The following LRCH2 variants were observed in gnomAD, a reference collection of about 807,000 sequenced individuals.
The protein encoded by LRCH2 is leucine rich repeats and calponin homology domain containing 2, also known as leucine-rich repeat and calponin homology domain-containing protein 2.
Under a neutral mutation model 68.9 loss-of-function variants are expected in LRCH2, and 38 were observed. The observed-to-expected ratio is 0.55, with a 90% CI of 0.43 to 0.72. The LOEUF (loss-of-function observed/expected upper bound fraction) is 0.72. Ranked by LOEUF, LRCH2 falls within the 30% of genes least tolerant of loss-of-function variation. The pLI, the probability that LRCH2 is intolerant of heterozygous loss-of-function variation, is 0.00. For missense variants in LRCH2, 528 were observed against 572.9 expected (o/e 0.92, Z 0.80); for synonymous variants, 191 against 208.1 (o/e 0.92, Z 0.71).
At position 115,192,610 on chromosome X, in the gene LRCH2, C is replaced by A. The variant is rs781960022; in HGVS notation, c.350-4240G>T. 7.7e-6 allele frequency: 9 copies of A among 1,170,001 alleles called. No homozygotes were observed. The African/African-American group carries it at 1.6e-4, about 21-fold the overall frequency. ...CAGGGGCGGAGGCCGTCAAGGAGGC[C>A]GCTTCGAGAGGGGGGAAGGCCGGAG... On this transcript the variant is annotated intron_variant, in intron 1 of 20. Coordinates refer to ENST00000317135, the MANE Select transcript of LRCH2 (RefSeq NM_020871.4).
intron 14 of LRCH2, among the ~76,000 whole-genome samples, chrX:115,135,293 A>G (rs188576242): frequency 2.8e-5 from 3 of 107,271 alleles, no homozygotes; most frequent in Admixed American, 1.0e-4. Flanking sequence ...GTGACCAGCT[A>G]ATTTTTTTGT....
chrX:115,159,860 T>G (rs782597122), intron 11 of LRCH2, among the ~76,000 whole-genome samples: 10 of 111,391 alleles, frequency 9.0e-5, no homozygotes, highest in Admixed American at 2.9e-4. Flanking sequence ...GCTTCAGACT[T>G]TAAAACCTTA....
At chrX:115,123,307 T>C in intron 17 of LRCH2, 115 bp from the exon 18 acceptor site, 1 of 485,143 alleles carries the variant, frequency 2.1e-6, no homozygotes, top group Non-Finnish European at 3.4e-6. Flanking sequence ...TATTACTCAC[T>C]AATACATTCC....
chrX:115,168,637 C>T (rs945255540), intron 6 of LRCH2, among the ~76,000 whole-genome samples: 1 of 110,604 alleles, frequency 9.0e-6, no homozygotes, highest in African/African-American at 3.3e-5. Context: ...TAGAGAATAT[C>T]TCCAAAATAT....
At chrX:115,149,731 C>G (rs782651876) in intron 14 of LRCH2, 96 bp downstream of exon 14, 3 of 478,094 alleles carry the variant, frequency 6.3e-6, no homozygotes, top group Non-Finnish European at 1.0e-5. Context: ...CTACATTTAA[C>G]TAGAGAGTTA....
intron 20 of LRCH2, among the ~76,000 whole-genome samples, chrX:115,120,993 G>A (rs1264861053): frequency 2.0e-5 from 2 of 101,551 alleles, no homozygotes; most frequent in Non-Finnish European, 4.0e-5. Flanking sequence ...GACACAGGAA[G>A]GGGAACATCC....
rs1556537750 is a variant in LRCH2, at chrX:115,149,854, G to C, written c.1668C>G (p.Ser556Arg). The change falls in exon 14 of 21, where the codon AGC becomes AGG. Residue 556 changes from serine (S) to arginine (R), a missense_variant. Coordinates refer to ENST00000317135, the MANE Select transcript of LRCH2 (RefSeq NM_020871.4). Reference protein sequence around the residue: ...IIWQSEERRRSKQIRKEYFKY... With the variant: ...IIWQSEERRRRKQIRKEYFKY... ...TGAAATATTCTTTTCTAATCTGTTT[G>C]CTCCGCCTCCTTTCTTCACTCTGCC... The C allele has an allele frequency of 2.5e-6, 3 of 1,194,968 alleles. No individual in the cohort carries two copies. In the Admixed American group the frequency reaches 6.6e-5, roughly 26 times the overall value.
At chrX:115,228,301 TA>T (rs2073132248) in intron 1 of LRCH2, among the ~76,000 whole-genome samples, 1 of 111,671 alleles carries the variant, frequency 9.0e-6, no homozygotes, top group African/African-American at 3.3e-5. Flanking sequence ...GATAACTGAT[TA>T]TAAGAGTATT....
At chrX:115,167,780 C>T (rs1556545926) in intron 6 of LRCH2, among the ~76,000 whole-genome samples, 1 of 111,594 alleles carries the variant, frequency 9.0e-6, no homozygotes, top group East Asian at 2.8e-4. Context: ...GTATGGTTAA[C>T]ATTTTAGGTA....
At chrX:115,219,685 A>C (rs2073065570) in intron 1 of LRCH2, among the ~76,000 whole-genome samples, 1 of 111,963 alleles carries the variant, frequency 8.9e-6, no homozygotes, top group Admixed American at 9.4e-5. Flanking sequence ...CAGCTATGTC[A>C]TTTTATAGTC....
chrX:115,117,504 G>C (rs2072093062), intron 20 of LRCH2, among the ~76,000 whole-genome samples: 1 of 111,472 alleles, frequency 9.0e-6, no homozygotes, highest in African/African-American at 3.3e-5. Context: ...GTTCATAGCA[G>C]CTTTATTTGT....
intron 15 of LRCH2, among the ~76,000 whole-genome samples, chrX:115,129,600 C>G (rs1464532955): frequency 9.0e-6 from 1 of 110,697 alleles, no homozygotes; most frequent in Non-Finnish European, 1.9e-5. Flanking sequence ...TTCAGAAGCC[C>G]TGCCAAGTAC....
At chrX:115,161,547 C>T (rs1556541707) in intron 11 of LRCH2, among the ~76,000 whole-genome samples, 1 of 111,484 alleles carries the variant, frequency 9.0e-6, no homozygotes, top group African/African-American at 3.3e-5. Flanking sequence ...TTGCATACAT[C>T]TTGAAGAACA....
intron 2 of LRCH2, among the ~76,000 whole-genome samples, chrX:115,188,016 G>A (rs1459353216): frequency 8.9e-6 from 1 of 112,088 alleles, no homozygotes; most frequent in African/African-American, 3.3e-5. Flanking sequence ...ACAGATCCCC[G>A]GGTAATTCCT....
At chrX:115,176,209 G>A (rs1381203052) in intron 5 of LRCH2, among the ~76,000 whole-genome samples, 1 of 111,947 alleles carries the variant, frequency 8.9e-6, no homozygotes, top group African/African-American at 3.2e-5. Context: ...AATATTATAT[G>A]GTAGCTCTAC....
Position 115,165,963 on chromosome X carries a change from T to A in LRCH2, c.1087-11A>T. ...GTCATCATCTGATGGCTAAAAGGAA[T>A]AAGCAAAAAGTACAAATGAGGCATT... On this transcript the variant is annotated splice_polypyrimidine_tract_variant and intron_variant, in intron 7 of 20. Coordinates refer to ENST00000317135, the MANE Select transcript of LRCH2 (RefSeq NM_020871.4). 2.7e-6 allele frequency: 3 copies of A among 1,101,806 alleles called. No homozygotes were observed. Among genetic ancestry groups the A allele is most frequent in the Non-Finnish European group, 3.7e-6 (3 of 816,536 alleles). 90.8% of individuals were successfully genotyped at this position (1,101,806 alleles called of 1,213,427 possible).
intron 20 of LRCH2, among the ~76,000 whole-genome samples, chrX:115,118,642 G>C (rs1438585343): frequency 3.6e-5 from 4 of 111,203 alleles, no homozygotes; most frequent in Non-Finnish European, 7.5e-5. Context: ...AATAGAAAAA[G>C]AGGGAATCCT....
At chrX:115,193,431 TCAA>T (rs1386419584) in intron 1 of LRCH2, among the ~76,000 whole-genome samples, 1 of 111,244 alleles carries the variant, frequency 9.0e-6, no homozygotes, top group Admixed American at 9.6e-5. Context: ...CATCTCAATG[TCAA>T]CAACATCCTC....
At position 115,135,920 on chromosome X, in the gene LRCH2, C is replaced by T. The variant is rs183739701; in HGVS notation, c.1696-5721G>A. 5.4e-5 allele frequency among the ~76,000 whole-genome samples: 6 copies of T among 111,799 alleles called. No individual in the cohort carries two copies. In the East Asian group the frequency reaches 1.7e-3, roughly 31 times the overall value. On this transcript the variant is annotated intron_variant, in intron 14 of 20. Coordinates refer to ENST00000317135, the MANE Select transcript of LRCH2 (RefSeq NM_020871.4). ...GTATATCATTTTTTCATACATAATA[C>T]TATTACACACTTAGATTATAGAACA...
Sources: gnomAD v4.1 joint callset for allele counts (sites outside exome capture counted in the v4.1 genomes callset) on GRCh38, gnomAD v4.1.1 for gene constraint, MANE v1.5 for transcripts, NCBI Gene and HGNC (gene_info 2026-07-23, HGNC 2026-07-21) for gene names.